The following TCOF1 variants were observed in gnomAD, a reference collection of about 807,000 sequenced individuals.
TCOF1 encodes treacle protein.
In TCOF1, 33 loss-of-function variants were observed where a neutral mutation model predicts 149.0. The ratio of observed to expected loss-of-function variants is 0.22; its 90% CI spans 0.17 to 0.30. The LOEUF is 0.30. TCOF1 is among the 10% of genes least tolerant of loss of function. The probability of loss-of-function intolerance (pLI) is 1.00; values close to 1 mark genes in which losing one functional copy is unlikely to be tolerated. For missense variants in TCOF1, 1,728 were observed against 1,840.7 expected (o/e 0.94, Z 1.12); for synonymous variants, 789 against 738.8 (o/e 1.07, Z -1.10).
chr5:150,381,461 T>C (rs779903790), intron 17 of TCOF1, among the ~76,000 whole-genome samples: 3 of 152,168 alleles, frequency 2.0e-5, no homozygotes, highest in Non-Finnish European at 4.4e-5. Flanking sequence ...AGGAGATGAT[T>C]GAGCTGAACC....
chr5:150,369,435 C>A, intron 5 of TCOF1, 94 bp from the exon 6 acceptor site: 2 of 1,469,624 alleles, frequency 1.4e-6, no homozygotes, highest in Non-Finnish European at 9.5e-7. Flanking sequence ...CAGCACCTGG[C>A]TTTGATGAGC....
intron 8 of TCOF1, 78 bp downstream of exon 8, chr5:150,374,464 G>A (rs987684426): frequency 3.9e-6 from 6 of 1,548,564 alleles, no homozygotes; most frequent in Non-Finnish European, 4.4e-6. Flanking sequence ...CTCCCACTCT[G>A]GGCCAGAGCC....
intron 3 of TCOF1, among the ~76,000 whole-genome samples, chr5:150,366,413 G>A (rs1224128871): frequency 1.3e-5 from 2 of 152,218 alleles, no homozygotes; most frequent in African/African-American, 2.4e-5. Flanking sequence ...TGTGGGCAAC[G>A]TGGTAGGATC....
chr5:150,377,984 T>C (rs899828307), intron 14 of TCOF1, among the ~76,000 whole-genome samples: 1 of 152,240 alleles, frequency 6.6e-6, no homozygotes, highest in Non-Finnish European at 1.5e-5. Context: ...TGAGACTTGT[T>C]AGGTCAAGTC....
In TCOF1 at chr5:150,361,462, G is replaced by A. The variant is rs549048995; in HGVS notation, c.164+251G>A. Among the ~76,000 whole-genome samples the A allele has an allele frequency of 6.6e-5, 10 of 152,326 alleles. No individual in the cohort carries two copies. In the East Asian group the frequency reaches 1.5e-3, roughly 23 times the overall value. ...TTCTCACCAGCTTGTCAGTTGCTCA[G>A]CAAACGTATATTGAGCACCTCCTGA... On this transcript the variant is annotated intron_variant, in intron 2 of 26. Transcript: ENST00000643257.
Position 150,376,215 on chromosome 5 carries a change from C to G in TCOF1, c.2027C>G (p.Ala676Gly), listed in dbSNP as rs940019706. The G allele has an allele frequency of 1.2e-6, 2 of 1,614,116 alleles. No individual in the cohort carries two copies. The highest frequency in any genetic ancestry group is 1.3e-5 in the African/African-American group (1 of 74,960). The change falls in exon 13 of 27, where the codon GCA (alanine) becomes GGA (glycine). Residue 676 changes from alanine to glycine, a missense_variant. By Grantham distance (60) the Ala-to-Gly change is moderately conservative. Around this residue, in one of 2 missense-constraint regions of TCOF1, gnomAD observed 1,696 missense variants for 1,765.4 expected, o/e 0.96. Coordinates refer to ENST00000643257, the MANE Select transcript of TCOF1 (RefSeq NM_001371623.1). ...PRKAGTATSP[A>G]GSSPAVAGGT... Reference sequence around the variant, plus strand: ...AAAGCAGGAACTGCGACTTCTCCAGCAGGCTCATCCCCAGCTGTGGCTGGG... The same window carrying G: ...AAAGCAGGAACTGCGACTTCTCCAGGAGGCTCATCCCCAGCTGTGGCTGGG...
At position 150,391,601 on chromosome 5, in the gene TCOF1, G is replaced by T. The variant is rs112144548; in HGVS notation, c.3241G>T (p.Ala1081Ser). Residue 1081 changes from alanine to serine, a missense_variant, in exon 20 of 27, where the codon GCC (alanine) becomes TCC (serine). Ala to Ser is a moderately conservative substitution (Grantham distance 99). Coordinates refer to ENST00000643257, the MANE Select transcript of TCOF1 (RefSeq NM_001371623.1). ...PLTQAALKVL[A>S]QKASEAQPPV... ...GACCCAGGCTGCCCTGAAGGTCCTC[G>T]CCCAGAAAGCCAGTGAGGCTCAGCC... 2.5e-6 allele frequency: 4 copies of T among 1,614,062 alleles called. No individual in the cohort carries two copies. The highest frequency in any genetic ancestry group is 1.7e-4 in the Middle Eastern group (1 of 6,060).
chr5:150,367,512 A>G, intron 3 of TCOF1: 1 of 372,378 alleles, frequency 2.7e-6, no homozygotes, highest in South Asian at 2.2e-5. Flanking sequence ...AATGGTGCCC[A>G]TTGCAGTGTG....
rs546200139 is a variant in TCOF1 at position 150,389,826 on chromosome 5, G to A, written c.3047-61G>A. 111 of 1,613,234 alleles carry A rather than the reference G, an allele frequency of 6.9e-5. No individual in the cohort carries two copies. The Admixed American group carries it at 9.7e-4, about 14-fold the overall frequency. On this transcript the variant is annotated intron_variant, in intron 18 of 26. Coordinates refer to ENST00000643257, the MANE Select transcript of TCOF1 (RefSeq NM_001371623.1). ...CAGGCCGGTAAATTGGGTTATTGCC[G>A]CTGCTGAGGAGGCGATGGGGCTTTT...
chr5:150,373,157 C>T (rs1317654598), intron 7 of TCOF1, among the ~76,000 whole-genome samples: 2 of 152,084 alleles, frequency 1.3e-5, no homozygotes, highest in Non-Finnish European at 2.9e-5. Context: ...TCATAGCTCA[C>T]TGCAGCCTCA....
chr5:150,386,777 G>A (rs1766391144), intron 17 of TCOF1, among the ~76,000 whole-genome samples: 2 of 152,344 alleles, frequency 1.3e-5, no homozygotes, highest in Admixed American at 6.5e-5. Flanking sequence ...ACAACCATGT[G>A]TGTTCTCGTT....
chr5:150,393,312 G>T lies in TCOF1; in HGVS notation c.3604-60G>T, dbSNP rs997714049. ...TTTCCTCACAGCAGGCCATGACTCG[G>T]GCTGGGTTATGGCAGTGGGGTGGGG... On this transcript the variant is annotated intron_variant, in intron 22 of 26. Coordinates refer to ENST00000643257, the MANE Select transcript of TCOF1 (RefSeq NM_001371623.1). The T allele has an allele frequency of 2.5e-6, 4 of 1,609,068 alleles. No individual in the cohort carries two copies. The African/African-American group carries it at 4.0e-5, about 16-fold the overall frequency.
chr5:150,363,807 G>A (rs1003650721), intron 2 of TCOF1, among the ~76,000 whole-genome samples: 3 of 152,284 alleles, frequency 2.0e-5, no homozygotes, highest in African/African-American at 4.8e-5. Context: ...GAGCCTGGGC[G>A]GTTCTGTGAG....
Position 150,396,914 on chromosome 5 carries a change from C to A in TCOF1, c.4345+72C>A, listed in dbSNP as rs982662405. ...CCACGGGGGCGGGAGGGACCCTCAG[C>A]CAGCACCTGGTCTCATTCCTCCCAT... On this transcript the variant is annotated intron_variant, in intron 24 of 26. Transcript: ENST00000643257. The A allele has an allele frequency of 2.8e-5, 43 of 1,511,516 alleles. 1 individual carries two copies. The highest frequency in any genetic ancestry group is 2.2e-4 in the Middle Eastern group (1 of 4,464). 93.6% of individuals were successfully genotyped at this position (1,511,516 alleles called of 1,614,324 possible). A position where few individuals can be genotyped will look rare whatever the true frequency, so the allele number is the denominator to read the frequency against.
intron 26 of TCOF1, among the ~76,000 whole-genome samples, chr5:150,399,361 G>A (rs1477137410): frequency 2.0e-5 from 3 of 152,208 alleles, no homozygotes; most frequent in African/African-American, 4.8e-5. Context: ...CTGTTTGTAG[G>A]TGAGGTCGGA....
rs1763516968 is a variant in TCOF1, at chr5:150,375,358, G to T, written c.1508G>T (p.Ser503Ile). ...NAAQVKPLGK[S>I]PQVKPASTMG... is the part of the protein sequence containing the mutation. ...TCCCAGGTGAAGCCCTTGGGGAAAA[G>T]CCCCCAGGTGAAACCTGCCTCTACC... Residue 503 changes from serine (S) to isoleucine (I), a missense_variant, in exon 11 of 27, where the codon AGC becomes ATC. Coordinates refer to ENST00000643257, the MANE Select transcript of TCOF1 (RefSeq NM_001371623.1). 6.2e-7 allele frequency: 1 copy of T among 1,611,566 alleles called. No individual in the cohort carries two copies.
intron 17 of TCOF1, chr5:150,383,308 C>T: frequency 1.4e-6 from 1 of 739,184 alleles, no homozygotes; most frequent in Non-Finnish European, 2.2e-6. Flanking sequence ...AGAGCTCTTT[C>T]CTCTATTGTG....
intron 14 of TCOF1, among the ~76,000 whole-genome samples, chr5:150,377,470 A>G (rs1489771020): frequency 6.6e-6 from 1 of 152,186 alleles, no homozygotes; most frequent in Admixed American, 6.5e-5. Context: ...CTGAGAGAAG[A>G]TGGCTCACTC....
chr5:150,388,186 G>C (rs1182124101), intron 18 of TCOF1, 98 bp downstream of exon 18: 1 of 1,534,244 alleles, frequency 6.5e-7, no homozygotes, highest in African/African-American at 1.4e-5. Context: ...ACATAGCAAG[G>C]TGTTGGTCGG....
Sources: allele counts gnomAD v4.1 joint callset (sites outside exome capture counted in the v4.1 genomes callset), GRCh38; gene constraint gnomAD v4.1.1; regional missense constraint gnomAD v4.1.1; transcripts MANE v1.5; gene names NCBI Gene and HGNC (gene_info 2026-07-23, HGNC 2026-07-21).